The following DMD variants were observed in gnomAD, a reference collection of about 807,000 sequenced individuals.
DMD encodes the protein mutant dystrophin.
In DMD, 63 loss-of-function variants were observed where a neutral mutation model predicts 330.1. The ratio of observed to expected loss-of-function variants is 0.19; its 90% CI spans 0.16 to 0.24. DMD has a LOEUF of 0.24. Among genes scored for constraint, DMD ranks in the 10% least tolerant of loss-of-function variants. The pLI, the probability that DMD is intolerant of heterozygous loss-of-function variation, is 1.00. For synonymous variants in DMD, 1,223 were observed against 959.8 expected, an observed-to-expected ratio of 1.27 and a Z score of -5.07; for missense variants, 3,344 against 2,684.1, an observed-to-expected ratio of 1.25 and a Z score of -5.43.
chrX:31,740,363 G>C (rs959707257), intron 51 of DMD, among the ~76,000 whole-genome samples: 1 of 111,486 alleles, frequency 9.0e-6, no homozygotes, highest in Non-Finnish European at 1.9e-5. Flanking sequence ...CATCAGATTC[G>C]CAGGCTTTTG....
chrX:33,250,159 A>G (rs2052750443), intron 1 of DMD, among the ~76,000 whole-genome samples: 1 of 100,414 alleles, frequency 1.0e-5, no homozygotes, highest in Admixed American at 1.1e-4. Context: ...GTGTATTAGA[A>G]CAGTGGTCCC....
At chrX:32,791,244 C>T (rs758878455) in intron 7 of DMD, among the ~76,000 whole-genome samples, 34 of 111,994 alleles carry the variant, frequency 3.0e-4, no homozygotes, top group African/African-American at 1.1e-3. Flanking sequence ...TGCCATTACC[C>T]GCACCATGCT....
At chrX:31,165,031 C>T (rs780849040) in intron 74 of DMD, among the ~76,000 whole-genome samples, 30 of 111,949 alleles carry the variant, frequency 2.7e-4, no homozygotes, top group African/African-American at 9.4e-4. Context: ...TTTTCACCAT[C>T]ATTGGAGACT....
intron 50 of DMD, among the ~76,000 whole-genome samples, chrX:31,803,322 G>A (rs1394633681): frequency 8.9e-6 from 1 of 112,503 alleles, no homozygotes; most frequent in Non-Finnish European, 1.9e-5. Flanking sequence ...GGAAAATGGC[G>A]TGTGACTCCA....
At chrX:33,073,612 C>T (rs1399355593) in intron 1 of DMD, among the ~76,000 whole-genome samples, 6 of 110,826 alleles carry the variant, frequency 5.4e-5, no homozygotes, top group African/African-American at 2.0e-4. Flanking sequence ...GGGTGGGTCA[C>T]CTGAGGTCAG....
At chrX:32,796,434 A>G (rs2076184862) in intron 7 of DMD, among the ~76,000 whole-genome samples, 1 of 111,839 alleles carries the variant, frequency 8.9e-6, no homozygotes, top group African/African-American at 3.2e-5. Flanking sequence ...AATAGAGAGT[A>G]TAATAAGATA....
intron 55 of DMD, among the ~76,000 whole-genome samples, chrX:31,589,715 C>A (rs1433292437): frequency 9.0e-6 from 1 of 111,159 alleles, no homozygotes; most frequent in Non-Finnish European, 1.9e-5. Context: ...ATAGTACCGG[C>A]TATATTTGCC....
intron 50 of DMD, among the ~76,000 whole-genome samples, chrX:31,780,471 A>G (rs2090953113): frequency 8.9e-6 from 1 of 112,344 alleles, no homozygotes. Flanking sequence ...ATTACTATTT[A>G]ATACTATGGG....
intron 42 of DMD, among the ~76,000 whole-genome samples, chrX:32,289,618 A>C (rs1439081229): frequency 9.0e-6 from 1 of 111,061 alleles, no homozygotes; most frequent in Admixed American, 9.6e-5. Flanking sequence ...AACCCACCAA[A>C]ACCAAGCTGG....
chrX:32,735,942 T>C (rs2068407309), intron 7 of DMD, among the ~76,000 whole-genome samples: 1 of 111,731 alleles, frequency 9.0e-6, no homozygotes, highest in Non-Finnish European at 1.9e-5. Context: ...AAAGAGCTTC[T>C]GCACAACAAA....
At chrX:32,824,684 T>G (rs1260728520) in intron 4 of DMD, among the ~76,000 whole-genome samples, 1 of 111,723 alleles carries the variant, frequency 9.0e-6, no homozygotes, top group Non-Finnish European at 1.9e-5. Flanking sequence ...GCATATTGAC[T>G]CTGATGGTGG....
intron 60 of DMD, among the ~76,000 whole-genome samples, chrX:31,409,851 C>T (rs1003746807): frequency 9.0e-6 from 1 of 111,648 alleles, no homozygotes; most frequent in African/African-American, 3.3e-5. Context: ...TAGAGTCTTG[C>T]TCTATCGCCC....
intron 45 of DMD, among the ~76,000 whole-genome samples, chrX:31,947,665 A>T (rs1449060190): frequency 9.0e-6 from 1 of 111,365 alleles, no homozygotes; most frequent in Non-Finnish European, 1.9e-5. Flanking sequence ...GACTCATAAC[A>T]TTTTCAATTT....
chrX:32,710,363 T>C (rs977874554), intron 7 of DMD, among the ~76,000 whole-genome samples: 2 of 111,054 alleles, frequency 1.8e-5, no homozygotes, highest in African/African-American at 6.5e-5. Flanking sequence ...CAAGAAGTTT[T>C]TCTTATTGAT....
chrX:31,231,690 C>A (rs1427415812), intron 63 of DMD, among the ~76,000 whole-genome samples: 1 of 112,204 alleles, frequency 8.9e-6, no homozygotes, highest in African/African-American at 3.2e-5. Context: ...ACCACCTGGG[C>A]CAACATGGCG....
intron 12 of DMD, among the ~76,000 whole-genome samples, chrX:32,611,258 AAG>A (rs1264139968): frequency 9.0e-6 from 1 of 110,850 alleles, no homozygotes; most frequent in Non-Finnish European, 1.9e-5. Context: ...TGTCAAAAAA[AAG>A]AGTGCTCAAA....
At chrX:31,411,146 G>A (rs911267568) in intron 60 of DMD, among the ~76,000 whole-genome samples, 1 of 110,796 alleles carries the variant, frequency 9.0e-6, no homozygotes, top group African/African-American at 3.3e-5. Context: ...AGAAAAACAT[G>A]CTCTGTGAAC....
chrX:32,558,102 A>G (rs2050531410), intron 16 of DMD, among the ~76,000 whole-genome samples: 1 of 111,329 alleles, frequency 9.0e-6, no homozygotes, highest in Non-Finnish European at 1.9e-5. Flanking sequence ...TATGATAATT[A>G]AGAAGGTTTA....
chrX:31,461,085 T>G (rs1220480267), intron 59 of DMD, among the ~76,000 whole-genome samples: 1 of 111,383 alleles, frequency 9.0e-6, no homozygotes, highest in South Asian at 3.8e-4. Context: ...GAAACAATGC[T>G]CCCTATGATG....
Sources: allele counts gnomAD v4.1 joint callset (sites outside exome capture counted in the v4.1 genomes callset), GRCh38; gene constraint gnomAD v4.1.1; transcripts MANE v1.5; gene names NCBI Gene and HGNC (gene_info 2026-07-23, HGNC 2026-07-21).